Variants in INTS6 observed in about 807,000 individuals in gnomAD.
INTS6 encodes the protein DEAD box protein.
INTS6 carries 16 observed loss-of-function variants against 104.9 expected under a neutral mutation model. The ratio of observed to expected loss-of-function variants is 0.15; its 90% CI spans 0.10 to 0.23. INTS6 has a LOEUF of 0.23. Among genes scored for constraint, INTS6 ranks in the 10% least tolerant of loss-of-function variants. The probability of loss-of-function intolerance (pLI) is 1.00; values close to 1 mark genes in which losing one functional copy is unlikely to be tolerated. For synonymous variants in INTS6, 324 were observed against 358.7 expected (o/e 0.90, Z 1.09); for missense variants, 584 against 1,062.8 (o/e 0.55, Z 6.26).
chr13:51,370,244 A>C (rs767154780), intron 15 of INTS6, among the ~76,000 whole-genome samples: 21 of 152,202 alleles, frequency 1.4e-4, no homozygotes, highest in Non-Finnish European at 2.9e-4. Context: ...GACCAAAAGT[A>C]GAAATTGCTT....
chr13:51,420,151 C>A (rs1956868144), intron 4 of INTS6, among the ~76,000 whole-genome samples: 1 of 152,074 alleles, frequency 6.6e-6, no homozygotes, highest in African/African-American at 2.4e-5. Flanking sequence ...AAGCAAAGAT[C>A]AGAATTTCCT....
the INTS6 span, among the ~76,000 whole-genome samples, chr13:51,336,863 G>A: frequency 6.6e-6 from 1 of 152,194 alleles, no homozygotes; most frequent in Admixed American, 6.5e-5. Context: ...AAAGTAGAGG[G>A]GCCCAGGTTC....
At chr13:51,358,862 T>C (rs1433359278), downstream of INTS6, among the ~76,000 whole-genome samples, 1 of 152,096 alleles carries the variant, frequency 6.6e-6, no homozygotes, top group Admixed American at 6.6e-5. Context: ...TATGGTGGGC[T>C]ACAGTTTCCC....
chr13:51,364,447 G>T lies in INTS6; in HGVS notation c.*1305C>A. 1 of 508,020 alleles carries T rather than the reference G, an allele frequency of 2.0e-6. No individual in the cohort carries two copies. Among genetic ancestry groups the T allele is most frequent in the South Asian group, 3.2e-5 (1 of 31,680 alleles). 31.5% of individuals were successfully genotyped at this position (508,020 alleles called of 1,614,324 possible). A position where few individuals can be genotyped will look rare whatever the true frequency, so the allele number is the denominator to read the frequency against. ...ATACTTCAGTTTTTAAATGTTATAA[G>T]TTTATTTTGCCTACTCTTAATCCAA... On this transcript the variant is annotated 3_prime_UTR_variant, in exon 18 of 18. Coordinates refer to ENST00000311234, the MANE Select transcript of INTS6 (RefSeq NM_012141.3).
At chr13:51,334,786 A>G in the INTS6 span, among the ~76,000 whole-genome samples, 1 of 152,036 alleles carries the variant, frequency 6.6e-6, no homozygotes, top group Admixed American at 6.6e-5. Context: ...GTTCAAGACC[A>G]GCCTGGCCAA....
At chr13:51,424,733 A>G (rs1956957730) in intron 4 of INTS6, among the ~76,000 whole-genome samples, 1 of 152,028 alleles carries the variant, frequency 6.6e-6, no homozygotes, top group Non-Finnish European at 1.5e-5. Context: ...TAATCTTCAG[A>G]TTTTTACTGA....
downstream of INTS6, among the ~76,000 whole-genome samples, chr13:51,360,529 A>AAT (rs2137824745): frequency 6.6e-6 from 1 of 151,680 alleles, no homozygotes; most frequent in East Asian, 1.9e-4. Context: ...AAAAATGGTT[A>AAT]ATGATTAGCT....
rs1955606043 is a variant in INTS6 at position 51,362,698 on chromosome 13, G to A, written c.*3054C>T. The A allele has an allele frequency of 6.6e-6, 1 of 152,278 alleles. No individual in the cohort carries two copies. Among genetic ancestry groups the A allele is most frequent in the Non-Finnish European group, 1.5e-5 (1 of 67,862 alleles). 9.4% of individuals were successfully genotyped at this position (152,278 alleles called of 1,614,324 possible). On this transcript the variant is annotated 3_prime_UTR_variant, in exon 18 of 18. Transcript: ENST00000311234. The stretch of plus-strand genomic sequence containing the variant: ...ACATCAGGCATTACTTTTATTTATG[G>A]AGAAAAATGTCAAAAGTTAGAATGA...
rs377286150 is a variant in INTS6, at chr13:51,374,210, T to A, written c.2102A>T (p.Lys701Ile). Residue 701 changes from lysine (K) to isoleucine (I), a missense_variant and splice_region_variant, in exon 15 of 18, where the codon AAA becomes ATA. Around this residue, in one of 5 missense-constraint regions of INTS6, gnomAD observed 296 missense variants for 437.0 expected, o/e 0.68. Transcript: ENST00000311234. ...TTTAAGAAAAAAACAATTCTTACTT[T>A]TATGAAGAGGAAGAGGTTTAATAAG... ...PDLIKPLPLH[K>I]ISETTNDSII... is the part of the protein sequence containing the mutation. 6 of 1,609,552 alleles carry A rather than the reference T, an allele frequency of 3.7e-6. No individual in the cohort carries two copies. The highest frequency in any genetic ancestry group is 1.3e-5 in the African/African-American group (1 of 74,804).
downstream of INTS6, among the ~76,000 whole-genome samples, chr13:51,359,715 AT>A (rs1447512393): frequency 6.6e-6 from 1 of 152,104 alleles, no homozygotes; most frequent in Non-Finnish European, 1.5e-5. Flanking sequence ...TTCAGACACC[AT>A]CCTATATAGT....
chr13:51,416,644 T>C (rs1956792324), intron 4 of INTS6, among the ~76,000 whole-genome samples: 1 of 152,234 alleles, frequency 6.6e-6, no homozygotes, highest in Non-Finnish European at 1.5e-5. Flanking sequence ...ATTTGTGTTG[T>C]TTCCACCTTT....
chr13:51,406,797 T>A, intron 4 of INTS6, among the ~76,000 whole-genome samples: 1 of 152,296 alleles, frequency 6.6e-6, no homozygotes, highest in African/African-American at 2.4e-5. Flanking sequence ...GCCAAGCTTG[T>A]CCAACCCGTG....
At chr13:51,384,484 T>C in intron 7 of INTS6, 1 of 378,116 alleles carries the variant, frequency 2.6e-6, no homozygotes, top group South Asian at 2.0e-5. Flanking sequence ...CAGTTACTGC[T>C]TATACCCTGG....
At chr13:51,417,226 C>T (rs1289999878) in intron 4 of INTS6, among the ~76,000 whole-genome samples, 1 of 152,016 alleles carries the variant, frequency 6.6e-6, no homozygotes, top group Non-Finnish European at 1.5e-5. Context: ...TTCTGAAGTC[C>T]AATTTGTCTA....
At position 51,362,470 on chromosome 13, in the gene INTS6, T is replaced by C. The variant is rs538773684; in HGVS notation, c.*3282A>G. ...TCAGTACATCAGAAGGACACACAAA[T>C]ATTCTTAGGCTTCGACAATATTGAA... On this transcript the variant is annotated 3_prime_UTR_variant, in exon 18 of 18. Transcript: ENST00000311234. 1 of 152,984 alleles carries C rather than the reference T, an allele frequency of 6.5e-6. No homozygotes were observed. Among genetic ancestry groups the C allele is most frequent in the East Asian group, 1.9e-4 (1 of 5,194 alleles). 9.5% of individuals were successfully genotyped at this position (152,984 alleles called of 1,614,324 possible).
intron 4 of INTS6, among the ~76,000 whole-genome samples, chr13:51,403,605 G>GAAAAAAAAAGA (rs1956488403): frequency 1.8e-5 from 2 of 111,300 alleles, no homozygotes; most frequent in African/African-American, 6.7e-5. Context: ...AAAAAAAAAA[G>GAAAAAAAAAGA]AAAAAAAAAA....
At chr13:51,344,637 G>A in the INTS6 span, among the ~76,000 whole-genome samples, 2 of 152,106 alleles carry the variant, frequency 1.3e-5, no homozygotes, top group South Asian at 4.1e-4. Context: ...TGAATGACAA[G>A]GGGACACTAA....
chr13:51,412,243 T>G (rs527392196), intron 4 of INTS6, among the ~76,000 whole-genome samples: 1 of 152,214 alleles, frequency 6.6e-6, no homozygotes, highest in East Asian at 1.9e-4. Context: ...TACTTAACAT[T>G]TGTCAGAATT....
chr13:51,369,166 T>C lies in INTS6; in HGVS notation c.2249A>G (p.Asn750Ser), dbSNP rs1566204390. The C allele has an allele frequency of 1.9e-6, 3 of 1,613,756 alleles. No homozygotes were observed. Among genetic ancestry groups the C allele is most frequent in the African/African-American group, 1.3e-5 (1 of 74,904 alleles). ...SPASLLERPT[N>S]HMEALGHDHL... The stretch of plus-strand genomic sequence containing the variant: ...GTCATGACCAAGAGCCTCCATATGA[T>C]TGGTTGGCCGTTCCAGTAAACTGGC... Residue 750 changes from asparagine to serine, a missense_variant, in exon 16 of 18, where the codon AAT (asparagine) becomes AGT (serine). This residue lies in a region of INTS6 where 296 missense variants were observed against 437.0 expected (regional missense o/e 0.68). Transcript: ENST00000311234.
Sources: gnomAD v4.1 joint callset for allele counts (sites outside exome capture counted in the v4.1 genomes callset) on GRCh38, gnomAD v4.1.1 for gene constraint, gnomAD v4.1.1 regional missense constraint, MANE v1.5 for transcripts, NCBI Gene and HGNC (gene_info 2026-07-23, HGNC 2026-07-21) for gene names.